Variants in SLC66A2 observed in about 807,000 individuals in gnomAD.
SLC66A2 encodes PQ loop repeat containing 1.
Under a neutral mutation model 25.5 loss-of-function variants are expected in SLC66A2, and 23 were observed. The observed-to-expected ratio is 0.90, with a 90% CI of 0.65 to 1.28. The LOEUF (loss-of-function observed/expected upper bound fraction) is 1.28. SLC66A2 is among the 50% of genes most tolerant of loss of function. The pLI is 0.00. For synonymous variants in SLC66A2, 193 were observed against 166.5 expected (o/e 1.16, Z -1.23); for missense variants, 396 against 373.1 (o/e 1.06, Z -0.51).
intron 4 of SLC66A2, among the ~76,000 whole-genome samples, chr18:79,920,285 G>T (rs866877814): frequency 2.8e-5 from 1 of 35,880 alleles, no homozygotes; most frequent in African/African-American, 7.7e-5. Context: ...AGGAACCGAG[G>T]GAGAGGTCAA....
At chr18:79,916,056 G>GTGCTCC (rs1983998830) in intron 5 of SLC66A2, 3 of 198,824 alleles carry the variant, frequency 1.5e-5, no homozygotes, top group African/African-American at 8.1e-5. Flanking sequence ...CGTACCCATG[G>GTGCTCC]CGCTCCCATA....
At position 79,927,682 on chromosome 18, in the gene SLC66A2, G is replaced by C. The variant is rs1459700458; in HGVS notation, c.391+6287C>G. Among the ~76,000 whole-genome samples, 2 of 152,240 alleles carry C rather than the reference G, an allele frequency of 1.3e-5. No individual in the cohort carries two copies. The highest frequency in any genetic ancestry group is 3.9e-4 in the East Asian group (2 of 5,162). On this transcript the variant is annotated intron_variant, in intron 4 of 5. Coordinates refer to ENST00000397778, the MANE Select transcript of SLC66A2 (RefSeq NM_025078.5). The surrounding 1 kb of genome is among the most constrained non-coding windows in gnomAD (Gnocchi z 6.2). Reference sequence around the variant, plus strand: ...GCCCCCGCCCCAACCCCAGTGAGTGGGACAGGCTGAGTGGGGACTGAGCAC... The same window carrying C: ...GCCCCCGCCCCAACCCCAGTGAGTGCGACAGGCTGAGTGGGGACTGAGCAC...
intron 1 of SLC66A2, 56 bp from the exon 2 acceptor site, chr18:79,951,081 AC>A (rs2051107103): frequency 2.1e-6 from 1 of 468,636 alleles, no homozygotes; most frequent in Admixed American, 4.8e-5. Flanking sequence ...GGCGGCGCGC[AC>A]GGACCCGACC....
In SLC66A2 at chr18:79,902,886, G is replaced by C. The variant is rs983112090; in HGVS notation, c.*1090C>G. On this transcript the variant is annotated 3_prime_UTR_variant, in exon 6 of 6. Coordinates refer to ENST00000397778, the MANE Select transcript of SLC66A2 (RefSeq NM_025078.5). ...AAGGGTCAGACTGGCGGCTCCCACTGCAGCCAGAAGTGAGGGAGCCAGCAC... is the reference window on the plus strand; with the variant it reads ...AAGGGTCAGACTGGCGGCTCCCACTCCAGCCAGAAGTGAGGGAGCCAGCAC... 1.3e-5 allele frequency: 2 copies of C among 152,888 alleles called. No homozygotes were observed. The highest frequency in any genetic ancestry group is 4.8e-5 in the African/African-American group (2 of 41,482). 9.5% of individuals were successfully genotyped at this position (152,888 alleles called of 1,614,324 possible).
At position 79,933,965 on chromosome 18, in the gene SLC66A2, A is replaced by G. The variant is rs745645201; in HGVS notation, c.391+4T>C. On this transcript the variant is annotated splice_donor_region_variant and intron_variant, in intron 4 of 5. Coordinates refer to ENST00000397778, the MANE Select transcript of SLC66A2 (RefSeq NM_025078.5). ...TGCGGACAGTGCACGCGCAGGGTAC[A>G]TACCCAGGAAGGACCGCCTGGGGGC... 21 of 1,611,450 alleles carry G rather than the reference A, an allele frequency of 1.3e-5. No homozygotes were observed. Among genetic ancestry groups the G allele is most frequent in the Middle Eastern group, 1.6e-4 (1 of 6,080 alleles).
Position 79,943,343 on chromosome 18 carries a change from C to T in SLC66A2, c.323G>A (p.Arg108His), listed in dbSNP as rs139297349. The T allele has an allele frequency of 2.3e-5, 37 of 1,614,000 alleles. No individual in the cohort carries two copies. The highest frequency in any genetic ancestry group is 1.8e-4 in the Admixed American group (11 of 59,992). ...CGGCCACCAACCTGTAAAGGAGCGGCGCCTGGCGTTGAGCTCGTTGGCCAC... is the reference window on the plus strand; with the variant it reads ...CGGCCACCAACCTGTAAAGGAGCGGTGCCTGGCGTTGAGCTCGTTGGCCAC... ...VRVANELNAR[R>H]RSFTAADSKD... Residue 108 changes from arginine to histidine, a missense_variant, in exon 3 of 6, where the codon CGC (arginine) becomes CAC (histidine). Coordinates refer to ENST00000397778, the MANE Select transcript of SLC66A2 (RefSeq NM_025078.5).
chr18:79,927,537 C>T lies in SLC66A2; in HGVS notation c.391+6432G>A, dbSNP rs1986105821. On this transcript the variant is annotated intron_variant, in intron 4 of 5. Transcript: ENST00000397778. The surrounding 1 kb of genome is among the most constrained non-coding windows in gnomAD (Gnocchi z 6.2). ...GCCTTCGAGGCCGGCACTGGCCTCG[C>T]TGACCCCTCTAATCCTGCCACCTGT... is the stretch of plus-strand genomic sequence containing the variant. Among the ~76,000 whole-genome samples the T allele has an allele frequency of 6.6e-6, 1 of 152,214 alleles. No homozygotes were observed. The highest frequency in any genetic ancestry group is 2.4e-5 in the African/African-American group (1 of 41,448).
At chr18:79,933,566 T>C (rs939240899) in intron 4 of SLC66A2, among the ~76,000 whole-genome samples, 3 of 152,184 alleles carry the variant, frequency 2.0e-5, no homozygotes, top group Non-Finnish European at 4.4e-5. Flanking sequence ...CAACATGCAA[T>C]GATCAATTAC....
At chr18:79,907,318 T>G (rs1982255054) in intron 5 of SLC66A2, among the ~76,000 whole-genome samples, 1 of 150,404 alleles carries the variant, frequency 6.6e-6, no homozygotes, top group African/African-American at 2.4e-5. Context: ...GGTTTTTCAC[T>G]GTATCTCTTT....
rs372242050 is a variant in SLC66A2, at chr18:79,943,378, G to A, written c.288C>T (p.Thr96=). Residue 96 remains threonine, a synonymous_variant, in exon 3 of 6, where the codon ACC becomes ACT. Transcript: ENST00000397778. ...TGAGCTCGTTGGCCACACGGACCTC[G>A]GTGCACAGCTTCAGCATCAGCAGCA... ...LTMLLMLKLC[T]EVRVANELNA... is the part of the protein sequence containing the mutation. 29 of 1,614,076 alleles carry A rather than the reference G, an allele frequency of 1.8e-5. No homozygotes were observed. Among genetic ancestry groups the A allele is most frequent in the South Asian group, 6.6e-5 (6 of 91,094 alleles).
At chr18:79,934,090 G>A in intron 3 of SLC66A2, 68 bp from the exon 4 acceptor site, 3 of 1,245,418 alleles carry the variant, frequency 2.4e-6, no homozygotes, top group Non-Finnish European at 3.5e-6. Flanking sequence ...TTTTAACATG[G>A]GTAAACAGCT....
In SLC66A2 at chr18:79,906,589, T is replaced by C. The variant is rs890424633; in HGVS notation, c.609-2406A>G. Among the ~76,000 whole-genome samples the C allele has an allele frequency of 6.6e-5, 10 of 152,396 alleles. No homozygotes were observed. The South Asian group carries it at 1.2e-3, about 19-fold the overall frequency. On this transcript the variant is annotated intron_variant, in intron 5 of 5. Transcript: ENST00000397778. ...TATATTATATTCATAGAAAATACTTTGCACAATTTCAGTTCTTTTTTAAAA... is the reference window on the plus strand; with the variant it reads ...TATATTATATTCATAGAAAATACTTCGCACAATTTCAGTTCTTTTTTAAAA...
intron 3 of SLC66A2, among the ~76,000 whole-genome samples, chr18:79,939,191 T>G (rs1987409078): frequency 6.6e-6 from 1 of 152,254 alleles, no homozygotes; most frequent in African/African-American, 2.4e-5. Context: ...CATTTCCGCT[T>G]TTATTTCATT....
intron 2 of SLC66A2, 23 bp downstream of exon 2, chr18:79,950,701 A>G: frequency 6.2e-7 from 1 of 1,611,550 alleles, no homozygotes; most frequent in South Asian, 1.1e-5. Flanking sequence ...GGTGCAGCCC[A>G]GGAAAGCAAG....
intron 4 of SLC66A2, among the ~76,000 whole-genome samples, chr18:79,932,655 T>C (rs1421738183): frequency 6.6e-6 from 1 of 151,962 alleles, no homozygotes; most frequent in East Asian, 1.9e-4. Flanking sequence ...TTTCCAGAAA[T>C]ACAAAGGATT....
chr18:79,932,897 C>T (rs1209393389), intron 4 of SLC66A2, among the ~76,000 whole-genome samples: 1 of 152,186 alleles, frequency 6.6e-6, no homozygotes, highest in African/African-American at 2.4e-5. Flanking sequence ...AGTGTCAACC[C>T]TTTGCAAACT....
chr18:79,904,963 C>G lies in SLC66A2; in HGVS notation c.609-780G>C, dbSNP rs529698561. ...GAAAGGACAGGACACAGCCCTCCCC[C>G]ACCCTGGGGCGTCCGTCCCGCTCAT... is the stretch of plus-strand genomic sequence containing the variant. On this transcript the variant is annotated intron_variant, in intron 5 of 5. Coordinates refer to ENST00000397778, the MANE Select transcript of SLC66A2 (RefSeq NM_025078.5). The surrounding 1 kb of genome is among the most constrained non-coding windows in gnomAD (Gnocchi z 6.3). Among the ~76,000 whole-genome samples the G allele has an allele frequency of 1.4e-4, 22 of 152,316 alleles. No individual in the cohort carries two copies. In the South Asian group the frequency reaches 2.5e-3, roughly 17 times the overall value.
At chr18:79,925,994 G>A (rs1225419359) in intron 4 of SLC66A2, among the ~76,000 whole-genome samples, 5 of 152,158 alleles carry the variant, frequency 3.3e-5, no homozygotes, top group South Asian at 2.1e-4. Context: ...TAAAGAAGCC[G>A]GACAAAACCC....
At chr18:79,942,963 CCA>C (rs1987813141) in intron 3 of SLC66A2, among the ~76,000 whole-genome samples, 1 of 152,134 alleles carries the variant, frequency 6.6e-6, no homozygotes, top group African/African-American at 2.4e-5. Context: ...TGTGTACAGG[CCA>C]CGCACACAGA....
Sources: allele counts gnomAD v4.1 joint callset (sites outside exome capture counted in the v4.1 genomes callset), GRCh38; gene constraint gnomAD v4.1.1; non-coding constraint Gnocchi (gnomAD v3.1); transcripts MANE v1.5; gene names NCBI Gene and HGNC (gene_info 2026-07-23, HGNC 2026-07-21).